The following RBM17 variants were observed in gnomAD, a reference collection of about 807,000 sequenced individuals.
RBM17 encodes the protein RNA binding motif protein 17.
Under a neutral mutation model 53.2 loss-of-function variants are expected in RBM17, and 7 were observed. The observed-to-expected ratio is 0.13, with a 90% confidence interval of 0.07 to 0.25. The LOEUF (loss-of-function observed/expected upper bound fraction) is 0.25, where lower values mean the gene tolerates loss of function less well. Ranked by LOEUF, RBM17 falls within the 10% of genes least tolerant of loss-of-function variation. The pLI, the probability that RBM17 is intolerant of heterozygous loss-of-function variation, is 1.00. For missense variants in RBM17, 257 were observed against 496.7 expected, an observed-to-expected ratio of 0.52 and a Z score of 4.59; for synonymous variants, 167 against 178.1, an observed-to-expected ratio of 0.94 and a Z score of 0.50.
intron 5 of RBM17, among the ~76,000 whole-genome samples, chr10:6,107,994 C>T (rs576883842): frequency 3.9e-5 from 6 of 152,166 alleles, no homozygotes; most frequent in African/African-American, 1.2e-4. Context: ...TTCCAGTTGT[C>T]GGATACCAGA....
chr10:6,107,235 G>A (rs770586163), intron 5 of RBM17, among the ~76,000 whole-genome samples: 41 of 152,296 alleles, frequency 2.7e-4, no homozygotes, highest in Non-Finnish European at 5.1e-4. Context: ...GGAGTGCAGT[G>A]GTGCAATCTC....
At position 6,104,912 on chromosome 10, in the gene RBM17, C is replaced by T; in HGVS notation, c.241-19C>T. On this transcript the variant is annotated intron_variant, in intron 3 of 11. Coordinates refer to ENST00000379888, the MANE Select transcript of RBM17 (RefSeq NM_032905.5). ...TAAGATATAAAGAGGATTCTTACTG[C>T]TGTTTTTACCTTCCTCAGGATCCTG... 2 of 1,609,162 alleles carry T rather than the reference C, an allele frequency of 1.2e-6. No individual in the cohort carries two copies. Among genetic ancestry groups the T allele is most frequent in the Non-Finnish European group, 1.7e-6 (2 of 1,176,640 alleles).
chr10:6,109,947 A>G (rs762450806), intron 6 of RBM17, 39 bp from the exon 7 acceptor site: 79 of 1,540,404 alleles, frequency 5.1e-5, no homozygotes, highest in Admixed American at 9.6e-5. Flanking sequence ...AGTGTTTTCT[A>G]TAGTATTTTG....
intron 2 of RBM17, among the ~76,000 whole-genome samples, chr10:6,097,481 G>C (rs981579174): frequency 2.0e-5 from 3 of 152,142 alleles, no homozygotes; most frequent in African/African-American, 7.2e-5. Context: ...GGCAGATCAC[G>C]AGGTCAGGAG....
chr10:6,100,568 A>T (rs1840655588), intron 2 of RBM17, among the ~76,000 whole-genome samples: 1 of 152,202 alleles, frequency 6.6e-6, no homozygotes, highest in African/African-American at 2.4e-5. Flanking sequence ...GGAAGAGGAG[A>T]TGAAGATGAT....
Position 6,098,563 on chromosome 10 carries a change from G to GTTTT in RBM17, c.123+1402_123+1405dup, listed in dbSNP as rs398012715. On this transcript the variant is annotated intron_variant, in intron 2 of 11. Coordinates refer to ENST00000379888, the MANE Select transcript of RBM17 (RefSeq NM_032905.5). ...AATTTCCGTAATACACAGGTTTTTT[G>GTTTT]TTTTTTTTTTTTTTTTTTTTTTTTT... is the stretch of plus-strand genomic sequence containing the variant. Among the ~76,000 whole-genome samples, 167 of 46,636 alleles carry GTTTT rather than the reference G, an allele frequency of 3.6e-3. 11 individuals are homozygous for GTTTT. The highest frequency in any genetic ancestry group is 5.0e-3 in the African/African-American group (63 of 12,574). The allele number at this position is 46,636 out of a possible 152,430, so 30.6% of individuals were successfully genotyped here. A position where few individuals can be genotyped will look rare whatever the true frequency, so the allele number is the denominator to read the frequency against.
intron 7 of RBM17, among the ~76,000 whole-genome samples, chr10:6,110,932 G>T (rs1478025158): frequency 6.7e-6 from 1 of 149,754 alleles, no homozygotes; most frequent in Non-Finnish European, 1.5e-5. Flanking sequence ...CTGGAGGGTT[G>T]GACAGACATG....
chr10:6,100,797 A>G (rs898103438), intron 2 of RBM17, among the ~76,000 whole-genome samples: 4 of 152,208 alleles, frequency 2.6e-5, no homozygotes, highest in East Asian at 1.9e-4. Flanking sequence ...GAGAATGTCC[A>G]CGGTTTCAGG....
intron 2 of RBM17, 148 bp downstream of exon 2, chr10:6,097,336 T>A: frequency 3.9e-6 from 3 of 762,448 alleles, no homozygotes; most frequent in Non-Finnish European, 6.4e-6. Flanking sequence ...ATGAGGAGTT[T>A]AAGGCCACTT....
intron 3 of RBM17, among the ~76,000 whole-genome samples, chr10:6,102,394 T>C (rs981787538): frequency 3.3e-5 from 5 of 152,192 alleles, no homozygotes; most frequent in African/African-American, 9.7e-5. Context: ...AGTCTGTGGC[T>C]GCAGCTTACC....
chr10:6,115,084 A>G (rs1180561035), intron 10 of RBM17, 155 bp from the exon 11 acceptor site: 3 of 650,568 alleles, frequency 4.6e-6, no homozygotes, highest in East Asian at 5.6e-5. Flanking sequence ...GTTTTTGATG[A>G]TGAACAAATT....
intron 5 of RBM17, among the ~76,000 whole-genome samples, chr10:6,108,025 CTT>C (rs1840781006): frequency 6.6e-6 from 1 of 152,126 alleles, no homozygotes; most frequent in Non-Finnish European, 1.5e-5. Flanking sequence ...TGTCTTATCT[CTT>C]TTGGTTTGTT....
chr10:6,115,389 T>C (rs1448070256), intron 11 of RBM17, 64 bp from the exon 12 acceptor site: 2 of 1,529,326 alleles, frequency 1.3e-6, no homozygotes, highest in African/African-American at 1.4e-5. Flanking sequence ...AGTTACTGTT[T>C]AATTAAAGTT....
intron 4 of RBM17, among the ~76,000 whole-genome samples, chr10:6,105,893 CT>C (rs753962696): frequency 6.6e-6 from 1 of 151,920 alleles, no homozygotes. Context: ...GTCAAGGAAC[CT>C]TTTTTTTCAT....
chr10:6,097,325 A>G, intron 2 of RBM17, 137 bp downstream of exon 2: 1 of 866,558 alleles, frequency 1.2e-6, no homozygotes. Context: ...GGGGGAGAGG[A>G]ATGAGGAGTT....
chr10:6,098,126 T>G (rs1840604542), intron 2 of RBM17, among the ~76,000 whole-genome samples: 1 of 152,166 alleles, frequency 6.6e-6, no homozygotes, highest in Admixed American at 6.5e-5. Context: ...GAGAATGGTA[T>G]TATGGTTTGT....
chr10:6,101,175 G>A (rs1252534722), intron 2 of RBM17, 96 bp from the exon 3 acceptor site: 2 of 618,238 alleles, frequency 3.2e-6, no homozygotes, highest in African/African-American at 1.9e-5. Context: ...TATCTCAAAG[G>A]TTTGTTGCAG....
rs1488612789 is a variant in RBM17, at chr10:6,096,996, A to C, written c.-18-52A>C. On this transcript the variant is annotated intron_variant, in intron 1 of 11. Transcript: ENST00000379888. ...TTCATGATACTTATTTTAACATGAA[A>C]AGCCTTTATTGAATTGTGCATTCTT... 2.0e-6 allele frequency: 3 copies of C among 1,531,780 alleles called. No homozygotes were observed. In the Admixed American group the frequency reaches 6.1e-5, roughly 31 times the overall value. 94.9% of individuals were successfully genotyped at this position (1,531,780 alleles called of 1,614,324 possible).
chr10:6,097,300 T>C, intron 2 of RBM17, 112 bp downstream of exon 2: 1 of 1,102,038 alleles, frequency 9.1e-7, no homozygotes, highest in Non-Finnish European at 1.3e-6. Flanking sequence ...GGGTAAATGG[T>C]GTTAAGCATT....
Sources: allele counts gnomAD v4.1 joint callset (sites outside exome capture counted in the v4.1 genomes callset), GRCh38; gene constraint gnomAD v4.1.1; transcripts MANE v1.5; gene names NCBI Gene and HGNC (gene_info 2026-07-23, HGNC 2026-07-21).